RAD50: variants seen among roughly 807,000 people sequenced by gnomAD.
The protein encoded by RAD50 is RAD50 double strand break repair protein, also known as DNA repair protein RAD50.
Under a neutral mutation model 168.8 loss-of-function variants are expected in RAD50, and 132 were observed. That is an observed-to-expected ratio of 0.78 (90% CI 0.68 to 0.90). RAD50 has a LOEUF of 0.90. RAD50 is among the 40% of genes least tolerant of loss of function. The probability of loss-of-function intolerance (pLI) is 0.00; values close to 1 mark genes in which losing one functional copy is unlikely to be tolerated. For synonymous variants in RAD50, 525 were observed against 497.4 expected (o/e 1.06, Z -0.74); for missense variants, 1,347 against 1,534.4 (o/e 0.88, Z 2.04).
chr5:132,613,594 C>CTTTTTTT (rs869151568), intron 19 of RAD50, among the ~76,000 whole-genome samples: 1 of 111,158 alleles, frequency 9.0e-6, no homozygotes. Context: ...TCACAATAGT[C>CTTTTTTT]TTTTTTTTTT....
intron 2 of RAD50, among the ~76,000 whole-genome samples, chr5:132,563,284 C>G (rs1750152661): frequency 6.6e-6 from 1 of 151,972 alleles, no homozygotes; most frequent in Non-Finnish European, 1.5e-5. Context: ...CTTGAGTAGG[C>G]AAAAAGAGAT....
chr5:132,646,283 G>T lies in RAD50; in HGVS notation c.*3919G>T, dbSNP rs919630357. 6.6e-6 allele frequency: 1 copy of T among 152,178 alleles called. No homozygotes were observed. The highest frequency in any genetic ancestry group is 2.4e-5 in the African/African-American group (1 of 41,448). 9.4% of individuals were successfully genotyped at this position (152,178 alleles called of 1,614,324 possible). A position where few individuals can be genotyped will look rare whatever the true frequency, so the allele number is the denominator to read the frequency against. On this transcript the variant is annotated 3_prime_UTR_variant, in exon 25 of 25. Coordinates refer to ENST00000378823, the MANE Select transcript of RAD50 (RefSeq NM_005732.4). ...GCTTGACTGATATATTCAGCTGCCTGTGGATAACTGGGCATCTATCTGCAC... is the reference window on the plus strand; with the variant it reads ...GCTTGACTGATATATTCAGCTGCCTTTGGATAACTGGGCATCTATCTGCAC...
At chr5:132,633,898 A>G (rs1469624430) in intron 21 of RAD50, among the ~76,000 whole-genome samples, 1 of 139,678 alleles carries the variant, frequency 7.2e-6, no homozygotes, top group Non-Finnish European at 1.5e-5. Context: ...GATAACGGGT[A>G]ATAATTTTTT....
chr5:132,578,941 G>A lies in RAD50; in HGVS notation c.366-376G>A, dbSNP rs184741078. On this transcript the variant is annotated intron_variant, in intron 3 of 24. Coordinates refer to ENST00000378823, the MANE Select transcript of RAD50 (RefSeq NM_005732.4). ...TGAAGAAAGAACCCCATTCTAAGAT[G>A]TTTTTAACTTACCTTTGCCTGTCTG... Among the ~76,000 whole-genome samples the A allele has an allele frequency of 6.6e-4, 101 of 152,218 alleles. 2 individuals are homozygous for A. The highest frequency in any genetic ancestry group is 6.5e-3 in the Admixed American group (100 of 15,292).
intron 9 of RAD50, among the ~76,000 whole-genome samples, chr5:132,590,099 A>G (rs1479574103): frequency 4.6e-5 from 7 of 152,146 alleles, no homozygotes; most frequent in African/African-American, 7.2e-5. Flanking sequence ...CCAAATCAAA[A>G]TCTCTGAGAA....
At chr5:132,609,253 C>G (rs902799189) in intron 18 of RAD50, 30 bp from the exon 19 acceptor site, 1 of 1,607,386 alleles carries the variant, frequency 6.2e-7, no homozygotes, top group Non-Finnish European at 8.5e-7. Flanking sequence ...TATTTTTATT[C>G]ATGTGCTTAA....
intron 23 of RAD50, among the ~76,000 whole-genome samples, chr5:132,639,147 A>G (rs938022569): frequency 3.9e-5 from 6 of 152,042 alleles, no homozygotes; most frequent in Non-Finnish European, 7.4e-5. Context: ...ACCTGAGGTC[A>G]GGAGTTCGAG....
chr5:132,607,613 T>C (rs926366137), intron 16 of RAD50, among the ~76,000 whole-genome samples: 1 of 152,194 alleles, frequency 6.6e-6, no homozygotes, highest in Non-Finnish European at 1.5e-5. Context: ...TGTATAATTT[T>C]TTACTATTTA....
chr5:132,616,042 AAAAG>A lies in RAD50; in HGVS notation c.3080_3083del (p.Arg1027MetfsTer4). ...GCTACAAGATAACCTTACTTTAAGA[AAAAG>A]AAATGAGGAACTAAAAGAAGTTGAA... On this transcript the variant is annotated frameshift_variant, in exon 20 of 25. Transcript: ENST00000378823. LOFTEE classifies it high-confidence loss of function. 3 of 1,603,490 alleles carry A rather than the reference AAAAG, an allele frequency of 1.9e-6. No individual in the cohort carries two copies. The highest frequency in any genetic ancestry group is 2.6e-6 in the Non-Finnish European group (3 of 1,170,528).
At chr5:132,599,528 A>C (rs887814034) in intron 13 of RAD50, among the ~76,000 whole-genome samples, 1 of 152,178 alleles carries the variant, frequency 6.6e-6, no homozygotes, top group Non-Finnish European at 1.5e-5. Context: ...ATAAATCCAC[A>C]AATGAAAGGT....
intron 11 of RAD50, chr5:132,593,545 T>C (rs1750740148): frequency 6.6e-6 from 1 of 152,216 alleles, no homozygotes; most frequent in Non-Finnish European, 1.5e-5. Flanking sequence ...GAGTAATCCA[T>C]TATAAAAAGT....
At chr5:132,621,225 G>T (rs530629843) in intron 21 of RAD50, among the ~76,000 whole-genome samples, 100 of 152,188 alleles carry the variant, frequency 6.6e-4, no homozygotes, top group Non-Finnish European at 1.2e-3. Context: ...CCCAGACCTC[G>T]ATCAAAAATT....
At chr5:132,583,819 A>G (rs1295592594) in intron 5 of RAD50, among the ~76,000 whole-genome samples, 2 of 149,766 alleles carry the variant, frequency 1.3e-5, no homozygotes, top group African/African-American at 4.9e-5. Flanking sequence ...TCAGCCTCCC[A>G]AGTAGCTGGG....
chr5:132,631,695 A>G (rs766066072), intron 21 of RAD50, among the ~76,000 whole-genome samples: 9 of 152,110 alleles, frequency 5.9e-5, no homozygotes, highest in African/African-American at 1.2e-4. Flanking sequence ...GGGCCACTAT[A>G]TGTCACTCAA....
At chr5:132,583,690 CTTTTT>C (rs35842753) in intron 5 of RAD50, among the ~76,000 whole-genome samples, 3 of 117,638 alleles carry the variant, frequency 2.6e-5, no homozygotes, top group African/African-American at 1.1e-4. Context: ...TAATTCATTC[CTTTTT>C]TTTTTTTTTT....
intron 2 of RAD50, among the ~76,000 whole-genome samples, chr5:132,560,922 C>T (rs918094573): frequency 1.3e-5 from 2 of 152,164 alleles, no homozygotes; most frequent in Non-Finnish European, 2.9e-5. Context: ...ATTGTCTTTA[C>T]TTCATTGACT....
Position 132,604,965 on chromosome 5 carries a change from C to T in RAD50, c.2684C>T (p.Ser895Phe). ...QQLEEQTVEL[S>F]TEVQSLYREI... ...CTGGAGGAGCAGACTGTGGAATTATCCACTGAAGTTCAGTCTTTGTACAGA... is the reference window on the plus strand; with the variant it reads ...CTGGAGGAGCAGACTGTGGAATTATTCACTGAAGTTCAGTCTTTGTACAGA... The change falls in exon 16 of 25, where the codon TCC (serine) becomes TTC (phenylalanine). Residue 895 changes from serine to phenylalanine, a missense_variant. Transcript: ENST00000378823. The T allele has an allele frequency of 6.2e-7, 1 of 1,613,750 alleles. No individual in the cohort carries two copies. The highest frequency in any genetic ancestry group is 8.5e-7 in the Non-Finnish European group (1 of 1,179,684).
chr5:132,641,931 T>A (rs887414094), intron 24 of RAD50: 4 of 516,054 alleles, frequency 7.8e-6, no homozygotes, highest in Non-Finnish European at 1.4e-5. Flanking sequence ...GTTCTTGTAT[T>A]CCTGTGAGTC....
intron 2 of RAD50, among the ~76,000 whole-genome samples, chr5:132,574,921 A>G (rs1024425513): frequency 2.6e-5 from 4 of 152,176 alleles, no homozygotes; most frequent in African/African-American, 7.2e-5. Context: ...TTCATTGTCC[A>G]TATCCTCATC....
Sources: gnomAD v4.1 joint callset for allele counts (sites outside exome capture counted in the v4.1 genomes callset) on GRCh38, gnomAD v4.1.1 for gene constraint, MANE v1.5 for transcripts, NCBI Gene and HGNC (gene_info 2026-07-23, HGNC 2026-07-21) for gene names.